WNT1: variants seen among roughly 807,000 people sequenced by gnomAD.
WNT1 encodes the protein Wnt family member 1.
WNT1 carries 10 observed loss-of-function variants against 21.3 expected under a neutral mutation model. That is an observed-to-expected ratio of 0.47 (90% CI 0.29 to 0.80). The LOEUF is 0.80. Ranked by LOEUF, WNT1 falls within the 30% of genes least tolerant of loss-of-function variation. The pLI, the probability that WNT1 is intolerant of heterozygous loss-of-function variation, is 0.09. For synonymous variants in WNT1, 208 were observed against 236.3 expected (o/e 0.88, Z 1.10); for missense variants, 476 against 534.1 (o/e 0.89, Z 1.07).
chr12:48,978,603 C>T lies in WNT1; in HGVS notation c.-48C>T. ...CCCGTCCCACCGTCGCGGGCAACAA[C>T]CAAAGTCGCCGCAACTGCAGCACAG... On this transcript the variant is annotated 5_prime_UTR_variant, in exon 1 of 4. Coordinates refer to ENST00000293549, the MANE Select transcript of WNT1 (RefSeq NM_005430.4). This position sits in a 1 kb window ranked among gnomAD's most constrained non-coding sequence, Gnocchi z 7.4. 1 of 1,432,242 alleles carries T rather than the reference C, an allele frequency of 7.0e-7. No individual in the cohort carries two copies. The highest frequency in any genetic ancestry group is 1.4e-5 in the African/African-American group (1 of 70,892). The allele number at this position is 1,432,242 out of a possible 1,614,324, so 88.7% of individuals were successfully genotyped here. A position where few individuals can be genotyped will look rare whatever the true frequency, so the allele number is the denominator to read the frequency against.
In WNT1 at chr12:48,979,845, C is replaced by T; in HGVS notation, c.358+124C>T. The T allele has an allele frequency of 7.4e-7, 1 of 1,354,830 alleles. No homozygotes were observed. The allele number at this position is 1,354,830 out of a possible 1,614,324, so 83.9% of individuals were successfully genotyped here. The stretch of plus-strand genomic sequence containing the variant: ...TGGAGGGTCACACAATCAACCTTGC[C>T]AAGTGCCTCGTGCCCAGCGCCAGCT... On this transcript the variant is annotated intron_variant, in intron 2 of 3. Transcript: ENST00000293549. The surrounding 1 kb of genome is among the most constrained non-coding windows in gnomAD (Gnocchi z 6.0).
Position 48,980,580 on chromosome 12 carries a change from A to G in WNT1, c.515A>G (p.Asp172Gly). The stretch of plus-strand genomic sequence containing the variant: ...GACTGGCACTGGGGGGGCTGCAGCG[A>G]CAACATTGACTTCGGCCGCCTCTTC... ...GPDWHWGGCS[D>G]NIDFGRLFGR... Residue 172 changes from aspartate to glycine, a missense_variant, in exon 3 of 4, where the codon GAC becomes GGC. Asp to Gly is a moderately conservative substitution (Grantham distance 94, BLOSUM62 -1). Coordinates refer to ENST00000293549, the MANE Select transcript of WNT1 (RefSeq NM_005430.4). The surrounding 1 kb of genome is among the most constrained non-coding windows in gnomAD (Gnocchi z 7.0). 1.9e-6 allele frequency: 3 copies of G among 1,607,808 alleles called. No individual in the cohort carries two copies. Among genetic ancestry groups the G allele is most frequent in the Non-Finnish European group, 1.7e-6 (2 of 1,177,212 alleles).
In WNT1 at chr12:48,980,683, C is replaced by T; in HGVS notation, c.618C>T (p.Gly206=). 1 of 1,546,878 alleles carries T rather than the reference C, an allele frequency of 6.5e-7. No homozygotes were observed. The highest frequency in any genetic ancestry group is 8.7e-7 in the Non-Finnish European group (1 of 1,147,630). ...TGAACCTTCACAACAACGAGGCAGG[C>T]CGTACGGTGAGCTTTGAGAGGCTCC... is the stretch of plus-strand genomic sequence containing the variant. The part of the protein sequence containing the change: ...FLMNLHNNEA[G]RTTVFSEMRQ... Residue 206 remains glycine (G), a synonymous_variant, in exon 3 of 4, where the codon GGC becomes GGT. Coordinates refer to ENST00000293549, the MANE Select transcript of WNT1 (RefSeq NM_005430.4). This position sits in a 1 kb window ranked among gnomAD's most constrained non-coding sequence, Gnocchi z 7.0.
In WNT1 at chr12:48,982,614, TC is replaced by T. The variant is rs1941032309; in HGVS notation, c.*975del. Among the ~76,000 whole-genome samples, 1 of 152,238 alleles carries T rather than the reference TC, an allele frequency of 6.6e-6. No individual in the cohort carries two copies. Among genetic ancestry groups the T allele is most frequent in the Admixed American group, 6.5e-5 (1 of 15,290 alleles). The stretch of plus-strand genomic sequence containing the variant: ...CTGCAGAATAAAATCTCTATTTTTA[TC>T]GATGACTTGGTGGCTTTTCCTTGAA... On this transcript the variant is annotated 3_prime_UTR_variant, in exon 4 of 4. Coordinates refer to ENST00000293549, the MANE Select transcript of WNT1 (RefSeq NM_005430.4).
rs757767948 is a variant in WNT1, at chr12:48,979,634, C to A, written c.271C>A (p.Arg91Ser). ...GAGTGGGGGGCTGCAGAGTGCCGTG[C>A]GCGAGTGCAAGTGGCAGTTCCGGAA... ...SVSGGLQSAVRECKWQFRNRR... is the reference protein window; with the variant it reads ...SVSGGLQSAVSECKWQFRNRR... The change falls in exon 2 of 4, where the codon CGC (arginine) becomes AGC (serine). Residue 91 changes from arginine to serine, a missense_variant. Physicochemically the swap from Arg to Ser is moderately radical, Grantham distance 110 (BLOSUM62 -1). Coordinates refer to ENST00000293549, the MANE Select transcript of WNT1 (RefSeq NM_005430.4). The surrounding 1 kb of genome is among the most constrained non-coding windows in gnomAD (Gnocchi z 6.0). 23 of 1,613,838 alleles carry A rather than the reference C, an allele frequency of 1.4e-5. 1 individual carries two copies. The South Asian group carries it at 1.9e-4, about 13-fold the overall frequency.
rs1034744946 is a variant in WNT1, at chr12:48,980,949, G to A, written c.625-203G>A. ...ATTCGAAAAATAAGCCTGAGAGGCCGAGACTGACTCGCCGCGGCGGAGCAG... is the reference window on the plus strand; with the variant it reads ...ATTCGAAAAATAAGCCTGAGAGGCCAAGACTGACTCGCCGCGGCGGAGCAG... On this transcript the variant is annotated intron_variant, in intron 3 of 3. Transcript: ENST00000293549. The surrounding 1 kb of genome is among the most constrained non-coding windows in gnomAD (Gnocchi z 7.0). Among the ~76,000 whole-genome samples, 2 of 152,200 alleles carry A rather than the reference G, an allele frequency of 1.3e-5. No individual in the cohort carries two copies. Among genetic ancestry groups the A allele is most frequent in the African/African-American group, 4.8e-5 (2 of 41,454 alleles).
rs776953968 is a variant in WNT1, at chr12:48,980,685, G to T, written c.620G>T (p.Arg207Leu). 8 of 1,545,002 alleles carry T rather than the reference G, an allele frequency of 5.2e-6. No individual in the cohort carries two copies. Among genetic ancestry groups the T allele is most frequent in the Non-Finnish European group, 7.0e-6 (8 of 1,146,750 alleles). The change falls in exon 3 of 4, where the codon CGT becomes CTT. Residue 207 changes from arginine to leucine, a missense_variant. Coordinates refer to ENST00000293549, the MANE Select transcript of WNT1 (RefSeq NM_005430.4). This position sits in a 1 kb window ranked among gnomAD's most constrained non-coding sequence, Gnocchi z 7.0. Reference protein sequence around the residue: ...LMNLHNNEAGRTTVFSEMRQE... With the variant: ...LMNLHNNEAGLTTVFSEMRQE... ...AACCTTCACAACAACGAGGCAGGCC[G>T]TACGGTGAGCTTTGAGAGGCTCCGC...
Position 48,981,427 on chromosome 12 carries a change from G to T in WNT1, c.900G>T (p.Thr300=). 1 of 1,574,604 alleles carries T rather than the reference G, an allele frequency of 6.4e-7. No homozygotes were observed. Among genetic ancestry groups the T allele is most frequent in the Non-Finnish European group, 8.6e-7 (1 of 1,159,650 alleles). ...TCGAGAAATCGCCCAACTTCTGCAC[G>T]TACAGCGGACGCCTGGGCACAGCAG... The part of the protein sequence containing the change: ...VYFEKSPNFC[T]YSGRLGTAGT... Residue 300 remains threonine (T), a synonymous_variant, in exon 4 of 4, where the codon ACG becomes ACT. Coordinates refer to ENST00000293549, the MANE Select transcript of WNT1 (RefSeq NM_005430.4). This position sits in a 1 kb window ranked among gnomAD's most constrained non-coding sequence, Gnocchi z 7.4.
chr12:48,981,388 C>T lies in WNT1; in HGVS notation c.861C>T (p.His287=). 1 of 1,578,616 alleles carries T rather than the reference C, an allele frequency of 6.3e-7. No individual in the cohort carries two copies. Among genetic ancestry groups the T allele is most frequent in the Non-Finnish European group, 8.6e-7 (1 of 1,161,758 alleles). ...EDPAHKPPSP[H]DLVYFEKSPN... Reference sequence around the variant, plus strand: ...CGGCCCACAAACCGCCCTCCCCCCACGACCTCGTCTACTTCGAGAAATCGC... The same window carrying T: ...CGGCCCACAAACCGCCCTCCCCCCATGACCTCGTCTACTTCGAGAAATCGC... The change falls in exon 4 of 4, where the codon CAC becomes CAT. Residue 287 remains histidine, a synonymous_variant. Transcript: ENST00000293549. The surrounding 1 kb of genome is among the most constrained non-coding windows in gnomAD (Gnocchi z 7.4).
In WNT1 at chr12:48,980,688, C is replaced by A; in HGVS notation, c.623C>A (p.Thr208Lys). ...CTTCACAACAACGAGGCAGGCCGTA[C>A]GGTGAGCTTTGAGAGGCTCCGCACC... The part of the protein sequence containing the change: ...MNLHNNEAGR[T>K]TVFSEMRQEC... Residue 208 changes from threonine (T) to lysine (K), a missense_variant and splice_region_variant, in exon 3 of 4, where the codon ACG (threonine) becomes AAG (lysine). By Grantham distance (78) the Thr-to-Lys change is moderately conservative. Transcript: ENST00000293549. The surrounding 1 kb of genome is among the most constrained non-coding windows in gnomAD (Gnocchi z 7.0). The A allele has an allele frequency of 6.5e-7, 1 of 1,543,472 alleles. No individual in the cohort carries two copies. Among genetic ancestry groups the A allele is most frequent in the East Asian group, 2.3e-5 (1 of 44,138 alleles).
At position 48,981,961 on chromosome 12, in the gene WNT1, C is replaced by T. The variant is rs1244686114; in HGVS notation, c.*321C>T. Among the ~76,000 whole-genome samples the T allele has an allele frequency of 6.6e-6, 1 of 152,180 alleles. No individual in the cohort carries two copies. The highest frequency in any genetic ancestry group is 1.5e-5 in the Non-Finnish European group (1 of 68,044). Reference sequence around the variant, plus strand: ...GGATGGGTCCCCTCCGCCATGGGGTCGGCTCCTGATGGTGTCATTCTGCCT... The same window carrying T: ...GGATGGGTCCCCTCCGCCATGGGGTTGGCTCCTGATGGTGTCATTCTGCCT... On this transcript the variant is annotated 3_prime_UTR_variant, in exon 4 of 4. Transcript: ENST00000293549. This position sits in a 1 kb window ranked among gnomAD's most constrained non-coding sequence, Gnocchi z 7.4.
rs1940999715 is a variant in WNT1, at chr12:48,980,674, C to G, written c.609C>G (p.Asn203Lys). 6.4e-7 allele frequency: 1 copy of G among 1,554,254 alleles called. No homozygotes were observed. The highest frequency in any genetic ancestry group is 1.4e-5 in the African/African-American group (1 of 72,936). ...GCTTCCTCATGAACCTTCACAACAA[C>G]GAGGCAGGCCGTACGGTGAGCTTTG... ...DLRFLMNLHN[N>K]EAGRTTVFSE... is the part of the protein sequence containing the mutation. The change falls in exon 3 of 4, where the codon AAC (asparagine) becomes AAG (lysine). Residue 203 changes from asparagine (N) to lysine (K), a missense_variant. Coordinates refer to ENST00000293549, the MANE Select transcript of WNT1 (RefSeq NM_005430.4). This position sits in a 1 kb window ranked among gnomAD's most constrained non-coding sequence, Gnocchi z 7.0.
rs1941031494 is a variant in WNT1, at chr12:48,982,569, C to T, written c.*929C>T. 6.6e-6 allele frequency among the ~76,000 whole-genome samples: 1 copy of T among 152,190 alleles called. No individual in the cohort carries two copies. The highest frequency in any genetic ancestry group is 1.5e-5 in the Non-Finnish European group (1 of 68,046). ...GTAGCTATTAGCGGCTCCTCGCCCC[C>T]ACCAGTGTAGCATCTTCCTCTGCAG... is the stretch of plus-strand genomic sequence containing the variant. On this transcript the variant is annotated 3_prime_UTR_variant, in exon 4 of 4. Transcript: ENST00000293549.
In WNT1 at chr12:48,980,604, TC is replaced by T; in HGVS notation, c.540del (p.Phe180LeufsTer19). The T allele has an allele frequency of 6.2e-7, 1 of 1,605,122 alleles. No homozygotes were observed. The highest frequency in any genetic ancestry group is 8.5e-7 in the Non-Finnish European group (1 of 1,175,440). Reference protein sequence around the residue: ...CSDNIDFGRLFGREFVDSGEK... With the variant: ...CSDNIDFGRLXGREFVDSGEK... ...GACAACATTGACTTCGGCCGCCTCT[TC>T]GGCCGGGAGTTCGTGGACTCCGGGG... is the stretch of plus-strand genomic sequence containing the variant. On this transcript the variant is annotated frameshift_variant, in exon 3 of 4. Transcript: ENST00000293549. LOFTEE classifies it high-confidence loss of function. This position sits in a 1 kb window ranked among gnomAD's most constrained non-coding sequence, Gnocchi z 7.0.
In WNT1 at chr12:48,978,747, C is replaced by T; in HGVS notation, c.97C>T (p.Arg33Ter). 1.3e-6 allele frequency: 2 copies of T among 1,597,636 alleles called. No individual in the cohort carries two copies. The change falls in exon 1 of 4, where the codon CGA (arginine) becomes TGA (stop). Residue 33 changes from arginine to a stop codon, truncating the protein, a stop_gained. Coordinates refer to ENST00000293549, the MANE Select transcript of WNT1 (RefSeq NM_005430.4). LOFTEE classifies it high-confidence loss of function. This position sits in a 1 kb window ranked among gnomAD's most constrained non-coding sequence, Gnocchi z 7.4. ...PAALAANSSG[R>*]WWGIVNVASS... ...AGCCCTGGCTGCCAACAGCAGTGGC[C>T]GATGGTGGTAAGTGAGCTGGTGCGG... is the stretch of plus-strand genomic sequence containing the variant.
At position 48,981,375 on chromosome 12, in the gene WNT1, C is replaced by G; in HGVS notation, c.848C>G (p.Pro283Arg). 1 of 1,573,966 alleles carries G rather than the reference C, an allele frequency of 6.4e-7. No homozygotes were observed. The highest frequency in any genetic ancestry group is 8.6e-7 in the Non-Finnish European group (1 of 1,159,510). Residue 283 changes from proline (P) to arginine (R), a missense_variant, in exon 4 of 4, where the codon CCG (proline) becomes CGG (arginine). Transcript: ENST00000293549. The surrounding 1 kb of genome is among the most constrained non-coding windows in gnomAD (Gnocchi z 7.4). ...GAGCCGGAAGACCCGGCCCACAAAC[C>G]GCCCTCCCCCCACGACCTCGTCTAC... ...RLEPEDPAHK[P>R]PSPHDLVYFE...
chr12:48,979,544 C>G lies in WNT1; in HGVS notation c.181C>G (p.Leu61Val), dbSNP rs762859463. The part of the protein sequence containing the change: ...KSLQLVLEPS[L>V]QLLSRKQRRL... ...TCTGCAACTGGTACTCGAGCCCAGTCTGCAGCTGTTGAGCCGCAAACAGCG... is the reference window on the plus strand; with the variant it reads ...TCTGCAACTGGTACTCGAGCCCAGTGTGCAGCTGTTGAGCCGCAAACAGCG... Residue 61 changes from leucine to valine, a missense_variant, in exon 2 of 4, where the codon CTG becomes GTG. Leu to Val is a conservative substitution (Grantham distance 32, BLOSUM62 1). Coordinates refer to ENST00000293549, the MANE Select transcript of WNT1 (RefSeq NM_005430.4). This position sits in a 1 kb window ranked among gnomAD's most constrained non-coding sequence, Gnocchi z 6.0. The G allele has an allele frequency of 6.2e-7, 1 of 1,614,122 alleles. No individual in the cohort carries two copies. The highest frequency in any genetic ancestry group is 8.5e-7 in the Non-Finnish European group (1 of 1,180,042).
chr12:48,979,276 C>T lies in WNT1; in HGVS notation c.105-192C>T, dbSNP rs1469257214. Among the ~76,000 whole-genome samples, 3 of 152,228 alleles carry T rather than the reference C, an allele frequency of 2.0e-5. No homozygotes were observed. The highest frequency in any genetic ancestry group is 7.2e-5 in the African/African-American group (3 of 41,450). On this transcript the variant is annotated intron_variant, in intron 1 of 3. Transcript: ENST00000293549. The surrounding 1 kb of genome is among the most constrained non-coding windows in gnomAD (Gnocchi z 6.0). ...GGACCTAGGGCTCAGGCGAGCAGCCCTGGGACTACTGGGCACACACAAGTC... is the reference window on the plus strand; with the variant it reads ...GGACCTAGGGCTCAGGCGAGCAGCCTTGGGACTACTGGGCACACACAAGTC...
Position 48,979,131 on chromosome 12 carries a change from T to C in WNT1, c.105-337T>C, listed in dbSNP as rs185044959. On this transcript the variant is annotated intron_variant, in intron 1 of 3. Coordinates refer to ENST00000293549, the MANE Select transcript of WNT1 (RefSeq NM_005430.4). This position sits in a 1 kb window ranked among gnomAD's most constrained non-coding sequence, Gnocchi z 6.0. Reference sequence around the variant, plus strand: ...GAGAAGAGGGTGGGACTCCTAAGCATTTCACGCCTTGGGTGGGCAAGAACT... The same window carrying C: ...GAGAAGAGGGTGGGACTCCTAAGCACTTCACGCCTTGGGTGGGCAAGAACT... Among the ~76,000 whole-genome samples the C allele has an allele frequency of 2.6e-5, 4 of 152,312 alleles. No individual in the cohort carries two copies. The East Asian group carries it at 5.8e-4, about 22-fold the overall frequency.
Sources: gnomAD v4.1 joint callset for allele counts (sites outside exome capture counted in the v4.1 genomes callset) on GRCh38, gnomAD v4.1.1 for gene constraint, Gnocchi (gnomAD v3.1) non-coding constraint, MANE v1.5 for transcripts, NCBI Gene and HGNC (gene_info 2026-07-23, HGNC 2026-07-21) for gene names.